Variants in MAPKAPK5 observed in about 807,000 individuals in gnomAD.
MAPKAPK5 encodes MAP kinase-activated protein kinase 5.
In MAPKAPK5, 30 loss-of-function variants were observed where a neutral mutation model predicts 65.1. The observed-to-expected ratio is 0.46, with a 90% CI of 0.34 to 0.63. MAPKAPK5 has a LOEUF of 0.63. Ranked by LOEUF, MAPKAPK5 falls within the 20% of genes least tolerant of loss-of-function variation. MAPKAPK5 has a pLI of 0.01. For missense variants in MAPKAPK5, 433 were observed against 581.4 expected (o/e 0.74, Z 2.63); for synonymous variants, 179 against 204.6 (o/e 0.87, Z 1.07).
intron 1 of MAPKAPK5, among the ~76,000 whole-genome samples, chr12:111,849,013 C>G (rs1398736111): frequency 1.3e-5 from 2 of 152,182 alleles, no homozygotes; most frequent in South Asian, 2.1e-4. Flanking sequence ...ATCCGCCTGC[C>G]TTGGCCTCCC....
In MAPKAPK5 at chr12:111,863,556, C is replaced by CT. The variant is rs151330844; in HGVS notation, c.37-1693dup. On this transcript the variant is annotated intron_variant, in intron 1 of 13. Transcript: ENST00000550735. ...GAGCGGGATTCTTGTGCTACATAGT[C>CT]TATCAGATTTTCATTGCAACAAAAC... Among the ~76,000 whole-genome samples, 937 of 151,652 alleles carry CT rather than the reference C, an allele frequency of 6.2e-3. 8 individuals are homozygous for CT. Among genetic ancestry groups the CT allele is most frequent in the African/African-American group, 0.022 (901 of 41,312 alleles).
intron 1 of MAPKAPK5, among the ~76,000 whole-genome samples, chr12:111,849,966 G>A (rs2069023789): frequency 6.6e-6 from 1 of 151,658 alleles, no homozygotes; most frequent in South Asian, 2.1e-4. Flanking sequence ...TCAAGCAGTC[G>A]TCACACTTTG....
chr12:111,864,305 A>G (rs901652742), intron 1 of MAPKAPK5, among the ~76,000 whole-genome samples: 3 of 151,166 alleles, frequency 2.0e-5, no homozygotes, highest in African/African-American at 4.9e-5. Flanking sequence ...GGTTCAAGCA[A>G]TTCTCCTGCC....
chr12:111,854,225 CT>C (rs1328388234), intron 1 of MAPKAPK5, among the ~76,000 whole-genome samples: 1 of 147,714 alleles, frequency 6.8e-6, no homozygotes, highest in East Asian at 2.0e-4. Context: ...ATTTTCTTTT[CT>C]TTTTCTTTTT....
At chr12:111,850,800 A>G (rs764517325) in intron 1 of MAPKAPK5, among the ~76,000 whole-genome samples, 11 of 152,198 alleles carry the variant, frequency 7.2e-5, no homozygotes, top group Non-Finnish European at 1.3e-4. Context: ...ACCCTGGTCT[A>G]TAAAGCTGCT....
chr12:111,851,564 G>T (rs2069084670), intron 1 of MAPKAPK5, among the ~76,000 whole-genome samples: 1 of 152,066 alleles, frequency 6.6e-6, no homozygotes, highest in African/African-American at 2.4e-5. Context: ...GGCCTCAAGT[G>T]ATCTGCCTGC....
chr12:111,888,412 CT>C, intron 10 of MAPKAPK5, 75 bp from the exon 11 acceptor site: 1 of 1,566,776 alleles, frequency 6.4e-7, no homozygotes, highest in Non-Finnish European at 8.6e-7. Flanking sequence ...TGAGCTTTTC[CT>C]TTCCACTTTC....
In MAPKAPK5 at chr12:111,883,154, C is replaced by T. The variant is rs1312801971; in HGVS notation, c.661-427C>T. On this transcript the variant is annotated intron_variant, in intron 8 of 13. Transcript: ENST00000550735. This position sits in a 1 kb window ranked among gnomAD's most constrained non-coding sequence, Gnocchi z 4.8. ...TTGGGAGGCCAAGGCGGGCAGATCA[C>T]GAGGTCAGGAGTTCGAGACCAACCT... is the stretch of plus-strand genomic sequence containing the variant. 1.3e-5 allele frequency among the ~76,000 whole-genome samples: 2 copies of T among 151,974 alleles called. No homozygotes were observed. The highest frequency in any genetic ancestry group is 1.9e-4 in the East Asian group (1 of 5,182).
chr12:111,899,364 C>T lies in MAPKAPK5; in HGVS notation c.*6303C>T, dbSNP rs1172550220. 1.3e-5 allele frequency: 2 copies of T among 153,602 alleles called. No homozygotes were observed. Among genetic ancestry groups the T allele is most frequent in the South Asian group, 4.1e-4 (2 of 4,886 alleles). The allele number at this position is 153,602 out of a possible 1,614,324, so 9.5% of individuals were successfully genotyped here. A position where few individuals can be genotyped will look rare whatever the true frequency, so the allele number is the denominator to read the frequency against. ...TAAGATAAAGTTTCAAACTTGGGCT[C>T]CACAGAAGTGGAACTTAAGGCTGGG... On this transcript the variant is annotated 3_prime_UTR_variant, in exon 14 of 14. Coordinates refer to ENST00000550735, the MANE Select transcript of MAPKAPK5 (RefSeq NM_003668.4).
intron 9 of MAPKAPK5, chr12:111,885,497 G>A (rs2070370194): frequency 6.4e-6 from 1 of 156,034 alleles, no homozygotes; most frequent in African/African-American, 2.4e-5. Flanking sequence ...TGCTTTTCCA[G>A]AACCTCATGA....
intron 10 of MAPKAPK5, 140 bp downstream of exon 10, chr12:111,886,176 G>C (rs2070399198): frequency 1.6e-6 from 2 of 1,277,048 alleles, no homozygotes; most frequent in Non-Finnish European, 2.2e-6. Flanking sequence ...TTTCCTGAGA[G>C]TCAGGATCCA....
intron 1 of MAPKAPK5, among the ~76,000 whole-genome samples, chr12:111,864,103 T>C (rs189123185): frequency 4.6e-5 from 7 of 151,958 alleles, no homozygotes; most frequent in Non-Finnish European, 8.8e-5. Flanking sequence ...ACCCTGTCTC[T>C]AAAAAAAGAA....
intron 1 of MAPKAPK5, among the ~76,000 whole-genome samples, chr12:111,852,315 C>G (rs2069110130): frequency 6.6e-6 from 1 of 152,234 alleles, no homozygotes; most frequent in Non-Finnish European, 1.5e-5. Context: ...TCTTCTACCT[C>G]TGCTGCCCCA....
In MAPKAPK5 at chr12:111,899,800, C is replaced by A. The variant is rs1357782991; in HGVS notation, c.*6739C>A. 7.6e-6 allele frequency: 3 copies of A among 394,482 alleles called. No homozygotes were observed. Among genetic ancestry groups the A allele is most frequent in the Non-Finnish European group, 1.6e-5 (3 of 192,402 alleles). 24.4% of individuals were successfully genotyped at this position (394,482 alleles called of 1,614,324 possible). On this transcript the variant is annotated 3_prime_UTR_variant, in exon 14 of 14. Coordinates refer to ENST00000550735, the MANE Select transcript of MAPKAPK5 (RefSeq NM_003668.4). ...TCCTGATTAAGGAGGAAAAATCTTA[C>A]AGCATTGAGCCCATGGACTCTTCAA...
chr12:111,899,791 A>T lies in MAPKAPK5; in HGVS notation c.*6730A>T. ...GGCACATCCTCCTGATTAAGGAGGA[A>T]AAATCTTACAGCATTGAGCCCATGG... On this transcript the variant is annotated 3_prime_UTR_variant, in exon 14 of 14. Transcript: ENST00000550735. 2 of 387,796 alleles carry T rather than the reference A, an allele frequency of 5.2e-6. No individual in the cohort carries two copies. Among genetic ancestry groups the T allele is most frequent in the South Asian group, 3.7e-5 (2 of 54,056 alleles). 24.0% of individuals were successfully genotyped at this position (387,796 alleles called of 1,614,324 possible).
rs2070293225 is a variant in MAPKAPK5 at position 111,883,177 on chromosome 12, C to T, written c.661-404C>T. ...CACGAGGTCAGGAGTTCGAGACCAA[C>T]CTGACCAACATGGTGAAAGCCTATC... On this transcript the variant is annotated intron_variant, in intron 8 of 13. Transcript: ENST00000550735. The surrounding 1 kb of genome is among the most constrained non-coding windows in gnomAD (Gnocchi z 4.8). Among the ~76,000 whole-genome samples the T allele has an allele frequency of 6.6e-6, 1 of 152,048 alleles. No individual in the cohort carries two copies. The highest frequency in any genetic ancestry group is 1.5e-5 in the Non-Finnish European group (1 of 67,996).
chr12:111,872,343 T>C (rs1232169372), intron 7 of MAPKAPK5, among the ~76,000 whole-genome samples: 5 of 152,220 alleles, frequency 3.3e-5, no homozygotes, highest in African/African-American at 1.2e-4. Flanking sequence ...ATTATAGTTT[T>C]AATCACGACA....
At chr12:111,888,425 T>C in intron 10 of MAPKAPK5, 63 bp from the exon 11 acceptor site, 1 of 1,592,816 alleles carries the variant, frequency 6.3e-7, no homozygotes, top group South Asian at 1.1e-5. Context: ...TCCACTTTCT[T>C]AGACTGGCTT....
intron 1 of MAPKAPK5, among the ~76,000 whole-genome samples, chr12:111,845,854 C>T (rs1162412540): frequency 6.6e-6 from 1 of 152,050 alleles, no homozygotes; most frequent in African/African-American, 2.4e-5. Context: ...ACCTGGGGGG[C>T]AGAGGTTGCA....
Sources: allele counts gnomAD v4.1 joint callset (sites outside exome capture counted in the v4.1 genomes callset), GRCh38; gene constraint gnomAD v4.1.1; non-coding constraint Gnocchi (gnomAD v3.1); transcripts MANE v1.5; gene names NCBI Gene and HGNC (gene_info 2026-07-23, HGNC 2026-07-21).